The following CTSC variants were observed in gnomAD, a reference collection of about 807,000 sequenced individuals.
The protein encoded by CTSC is cathepsin C.
A neutral mutation model predicts 40.9 loss-of-function variants in CTSC; 37 were observed. The ratio of observed to expected loss-of-function variants is 0.91; its 90% CI spans 0.70 to 1.19. The LOEUF (loss-of-function observed/expected upper bound fraction) is 1.19. Ranked by LOEUF, CTSC falls within the 50% of genes most tolerant of loss-of-function variation. The pLI, the probability that CTSC is intolerant of heterozygous loss-of-function variation, is 0.00. For synonymous variants in CTSC, 232 were observed against 207.4 expected (o/e 1.12, Z -1.02); for missense variants, 594 against 567.3 (o/e 1.05, Z -0.48).
intron 2 of CTSC, among the ~76,000 whole-genome samples, chr11:88,330,216 T>A (rs1231965512): frequency 6.6e-6 from 1 of 152,226 alleles, no homozygotes; most frequent in Non-Finnish European, 1.5e-5. Context: ...CAGGCCTGAT[T>A]ACTCCTTATT....
intron 4 of CTSC, among the ~76,000 whole-genome samples, chr11:88,302,968 G>T (rs1385486690): frequency 6.6e-6 from 1 of 152,112 alleles, no homozygotes; most frequent in African/African-American, 2.4e-5. Context: ...ATAAAAATCT[G>T]TGCCTCATAG....
At chr11:88,308,432 T>C (rs1937682616) in intron 4 of CTSC, among the ~76,000 whole-genome samples, 1 of 152,212 alleles carries the variant, frequency 6.6e-6, no homozygotes, top group Non-Finnish European at 1.5e-5. Flanking sequence ...ACTGGCTTTT[T>C]GAAATATCTT....
Position 88,334,892 on chromosome 11 carries a change from T to C in CTSC, c.318+45A>G, listed in dbSNP as rs1394506206. The stretch of plus-strand genomic sequence containing the variant: ...TCTACTAATCAGAAGAGGTTTCAGA[T>C]ATCAAATCATTGAAAATGTAAATCC... On this transcript the variant is annotated intron_variant, in intron 2 of 6. Coordinates refer to ENST00000227266, the MANE Select transcript of CTSC (RefSeq NM_001814.6). The C allele has an allele frequency of 2.7e-6, 4 of 1,459,280 alleles. No homozygotes were observed. The Admixed American group carries it at 6.7e-5, about 24-fold the overall frequency. 90.4% of individuals were successfully genotyped at this position (1,459,280 alleles called of 1,614,324 possible). A position where few individuals can be genotyped will look rare whatever the true frequency, so the allele number is the denominator to read the frequency against.
intron 3 of CTSC, among the ~76,000 whole-genome samples, chr11:88,311,167 TGA>T (rs1937746967): frequency 6.6e-6 from 1 of 152,222 alleles, no homozygotes; most frequent in South Asian, 2.1e-4. Context: ...CTTCACTAAA[TGA>T]GAGAATGTTT....
At chr11:88,326,910 G>A (rs1473007567) in intron 2 of CTSC, among the ~76,000 whole-genome samples, 2 of 152,144 alleles carry the variant, frequency 1.3e-5, no homozygotes, top group African/African-American at 4.8e-5. Flanking sequence ...CTAGGAGAAA[G>A]AGTGAAGAGT....
At chr11:88,325,185 A>C (rs1938147900) in intron 2 of CTSC, 1 of 984,752 alleles carries the variant, frequency 1.0e-6, no homozygotes, top group African/African-American at 1.7e-5. Context: ...ACTGTAATTA[A>C]GATTAGTAAA....
At chr11:88,326,529 A>AT in intron 2 of CTSC, 1 of 754,346 alleles carries the variant, frequency 1.3e-6, no homozygotes, top group South Asian at 1.6e-5. Flanking sequence ...CTTTAAGTAA[A>AT]AAAAAAAAAA....
At position 88,309,966 on chromosome 11, in the gene CTSC, G is replaced by A. The variant is rs1272418899; in HGVS notation, c.486-648C>T. On this transcript the variant is annotated intron_variant, in intron 3 of 6. Coordinates refer to ENST00000227266, the MANE Select transcript of CTSC (RefSeq NM_001814.6). ...TGTACCTTTATAACCTTTTTAATAAGAAAAAAGAGAAAAGCAAAACCTGTA... is the reference window on the plus strand; with the variant it reads ...TGTACCTTTATAACCTTTTTAATAAAAAAAAAGAGAAAAGCAAAACCTGTA... Among the ~76,000 whole-genome samples the A allele has an allele frequency of 2.6e-5, 4 of 151,600 alleles. No homozygotes were observed. The East Asian group carries it at 7.7e-4, about 29-fold the overall frequency.
At chr11:88,303,276 G>GTTTTGACA (rs1393668488) in intron 4 of CTSC, among the ~76,000 whole-genome samples, 2 of 152,162 alleles carry the variant, frequency 1.3e-5, no homozygotes, top group African/African-American at 4.8e-5. Context: ...CTCCAATCCA[G>GTTTTGACA]TTTTGACACT....
At chr11:88,296,893 C>A (rs957411369) in intron 5 of CTSC, 1 of 156,264 alleles carries the variant, frequency 6.4e-6, no homozygotes, top group East Asian at 1.9e-4. Context: ...CCCTAAAATT[C>A]TCCCCCTAAA....
chr11:88,296,689 G>T, intron 5 of CTSC: 1 of 275,292 alleles, frequency 3.6e-6, no homozygotes, highest in Non-Finnish European at 7.0e-6. Context: ...ATGAGATGAA[G>T]GTTTATGTCC....
chr11:88,313,257 G>C (rs972587516), intron 2 of CTSC, among the ~76,000 whole-genome samples: 1 of 152,146 alleles, frequency 6.6e-6, no homozygotes, highest in East Asian at 1.9e-4. Flanking sequence ...GTTTAGTAGA[G>C]ACGGGGTTTT....
intron 5 of CTSC, chr11:88,298,620 C>G (rs989235566): frequency 2.0e-5 from 3 of 152,054 alleles, no homozygotes; most frequent in Non-Finnish European, 4.4e-5. Flanking sequence ...GTATAGAATA[C>G]CAAAAGAAAG....
intron 4 of CTSC, among the ~76,000 whole-genome samples, chr11:88,303,598 C>T (rs921752498): frequency 3.9e-5 from 6 of 152,222 alleles, no homozygotes; most frequent in African/African-American, 9.7e-5. Flanking sequence ...TCCCTGAACA[C>T]GCCACCCTCC....
intron 2 of CTSC, among the ~76,000 whole-genome samples, chr11:88,319,528 TAC>T (rs1937950213): frequency 6.6e-6 from 1 of 152,172 alleles, no homozygotes; most frequent in Admixed American, 6.5e-5. Flanking sequence ...GTTGAAAATT[TAC>T]AGTCATGAAA....
intron 1 of CTSC, among the ~76,000 whole-genome samples, chr11:88,335,449 CCT>C (rs1483570214): frequency 6.6e-6 from 1 of 152,128 alleles, no homozygotes; most frequent in Non-Finnish European, 1.5e-5. Flanking sequence ...TGGTGCATTG[CCT>C]GTAGTCCCAG....
intron 3 of CTSC, 55 bp from the exon 4 acceptor site, chr11:88,309,373 T>C: frequency 6.8e-7 from 1 of 1,460,580 alleles, no homozygotes; most frequent in Non-Finnish European, 9.6e-7. Flanking sequence ...GTAAATAGAG[T>C]AATTAAAACA....
chr11:88,330,585 G>A (rs1215338035), intron 2 of CTSC, among the ~76,000 whole-genome samples: 1 of 151,904 alleles, frequency 6.6e-6, no homozygotes, highest in African/African-American at 2.4e-5. Context: ...CTGACCTCAG[G>A]TGATCGCCTG....
intron 4 of CTSC, among the ~76,000 whole-genome samples, chr11:88,307,959 T>A (rs1299775186): frequency 6.6e-6 from 1 of 152,084 alleles, no homozygotes; most frequent in Non-Finnish European, 1.5e-5. Context: ...AACTGGAGTT[T>A]TATTATTACT....
Sources: allele counts gnomAD v4.1 joint callset (sites outside exome capture counted in the v4.1 genomes callset), GRCh38; gene constraint gnomAD v4.1.1; transcripts MANE v1.5; gene names NCBI Gene and HGNC (gene_info 2026-07-23, HGNC 2026-07-21).